PGM1: variants seen among roughly 807,000 people sequenced by gnomAD.
PGM1 encodes the protein phosphoglucomutase-1.
In PGM1, 52 loss-of-function variants were observed where a neutral mutation model predicts 55.6. The observed-to-expected ratio is 0.94, with a 90% CI of 0.75 to 1.18. The LOEUF (loss-of-function observed/expected upper bound fraction) is 1.18. Among genes scored for constraint, PGM1 ranks in the 50% most tolerant of loss-of-function variants. The pLI, the probability that PGM1 is intolerant of heterozygous loss-of-function variation, is 0.00. For synonymous variants in PGM1, 287 were observed against 271.7 expected (o/e 1.06, Z -0.55); for missense variants, 724 against 729.3 (o/e 0.99, Z 0.08).
At chr1:63,635,649 G>A (rs1225654286) in intron 5 of PGM1, among the ~76,000 whole-genome samples, 2 of 152,170 alleles carry the variant, frequency 1.3e-5, no homozygotes, top group East Asian at 3.8e-4. Context: ...GTTGTTGCTA[G>A]TGTTACCATT....
chr1:63,633,907 TG>T (rs2100986227), intron 4 of PGM1, among the ~76,000 whole-genome samples: 1 of 51,012 alleles, frequency 2.0e-5, no homozygotes, highest in African/African-American at 1.1e-4. Context: ...TGTGTGTGTG[TG>T]TGTGTGTGTG....
At chr1:63,604,959 G>GTGTGCGTGTGTT (rs58900430) in intron 1 of PGM1, among the ~76,000 whole-genome samples, 1 of 134,236 alleles carries the variant, frequency 7.4e-6, no homozygotes, top group Non-Finnish European at 1.6e-5. Flanking sequence ...GTGTGTGTGT[G>GTGTGCGTGTGTT]TAAAGAGAGG....
chr1:63,593,888 T>G, intron 1 of PGM1, 154 bp downstream of exon 1: 2 of 1,263,056 alleles, frequency 1.6e-6, no homozygotes, highest in Non-Finnish European at 2.0e-6. Flanking sequence ...CTCGCTCTTC[T>G]GGCCTGGAGG....
chr1:63,635,531 A>T (rs1649339996), intron 5 of PGM1, among the ~76,000 whole-genome samples: 1 of 152,236 alleles, frequency 6.6e-6, no homozygotes. Context: ...TTTATTTACA[A>T]GGGTGACTAT....
At chr1:63,628,414 T>C (rs1285927381) in intron 1 of PGM1, among the ~76,000 whole-genome samples, 2 of 152,132 alleles carry the variant, frequency 1.3e-5, no homozygotes, top group Non-Finnish European at 2.9e-5. Flanking sequence ...TTCAATGGGC[T>C]ATGGAAGGGT....
chr1:63,637,351 A>G (rs1486850483), intron 6 of PGM1, among the ~76,000 whole-genome samples: 1 of 152,220 alleles, frequency 6.6e-6, no homozygotes, highest in Non-Finnish European at 1.5e-5. Context: ...CAGCTGGTAA[A>G]TGGCTGACTC....
At chr1:63,596,937 A>T (rs758557430) in intron 1 of PGM1, among the ~76,000 whole-genome samples, 19 of 152,202 alleles carry the variant, frequency 1.2e-4, no homozygotes, top group Non-Finnish European at 2.5e-4. Context: ...CTAGCACTTG[A>T]TTTAAAGCCA....
chr1:63,623,909 A>G (rs1015676482), intron 1 of PGM1: 1 of 612,714 alleles, frequency 1.6e-6, no homozygotes. Flanking sequence ...CAGTGATTGT[A>G]TATTGTGAAA....
intron 10 of PGM1, among the ~76,000 whole-genome samples, chr1:63,654,760 T>C (rs1649915310): frequency 1.3e-5 from 2 of 151,884 alleles, no homozygotes; most frequent in Admixed American, 1.3e-4. Flanking sequence ...TATCAAAAAT[T>C]AATTAATTAA....
chr1:63,633,893 T>C (rs1325747864), intron 4 of PGM1, among the ~76,000 whole-genome samples: 1 of 48,732 alleles, frequency 2.1e-5, no homozygotes, highest in African/African-American at 1.1e-4. Flanking sequence ...TGTGTGTGTG[T>C]GTGTGTGTGT....
At chr1:63,652,689 G>A (rs184011597) in intron 9 of PGM1, among the ~76,000 whole-genome samples, 35 of 152,244 alleles carry the variant, frequency 2.3e-4, no homozygotes, top group Admixed American at 2.2e-3. Flanking sequence ...TTTTGGCCTG[G>A]TCCTTGTCAA....
intron 1 of PGM1, among the ~76,000 whole-genome samples, chr1:63,613,503 C>T (rs534423931): frequency 1.3e-5 from 2 of 152,076 alleles, no homozygotes; most frequent in East Asian, 1.9e-4. Flanking sequence ...ACTTCAATCT[C>T]TACCTCTGTC....
Position 63,654,486 on chromosome 1 carries a change from C to T in PGM1, c.1599+20C>T. On this transcript the variant is annotated intron_variant, in intron 10 of 10. Coordinates refer to ENST00000371084, the MANE Select transcript of PGM1 (RefSeq NM_002633.3). ...CCCCAGGTAACGCCCAGCCCTGTGC[C>T]CTGGTTAGTTCTTTCTGTTCAAGGG... is the stretch of plus-strand genomic sequence containing the variant. The T allele has an allele frequency of 6.2e-7, 1 of 1,613,288 alleles. No individual in the cohort carries two copies. The highest frequency in any genetic ancestry group is 8.5e-7 in the Non-Finnish European group (1 of 1,179,432).
At chr1:63,648,457 A>G (rs1278212535) in intron 7 of PGM1, 60 bp from the exon 8 acceptor site, 4 of 1,604,058 alleles carry the variant, frequency 2.5e-6, no homozygotes, top group Non-Finnish European at 3.4e-6. Context: ...CATATCAAGT[A>G]CCTTCTCAGG....
At chr1:63,618,954 G>A (rs1160924589) in intron 1 of PGM1, among the ~76,000 whole-genome samples, 1 of 152,168 alleles carries the variant, frequency 6.6e-6, no homozygotes, top group Non-Finnish European at 1.5e-5. Flanking sequence ...AGAGATGTAT[G>A]AATGATCCCG....
At chr1:63,651,629 G>C in intron 8 of PGM1, 40 bp from the exon 9 acceptor site, 1 of 1,586,438 alleles carries the variant, frequency 6.3e-7, no homozygotes, top group Non-Finnish European at 8.6e-7. Context: ...GGTGTGATCT[G>C]CAGTCAGCCC....
At chr1:63,594,218 G>C (rs1647968212) in intron 1 of PGM1, 1 of 803,032 alleles carries the variant, frequency 1.2e-6, no homozygotes, top group Non-Finnish European at 1.5e-6. Flanking sequence ...GCTAGGACTG[G>C]CGCTTCCCGC....
intron 8 of PGM1, among the ~76,000 whole-genome samples, chr1:63,650,266 T>C (rs548656604): frequency 6.6e-6 from 1 of 152,220 alleles, no homozygotes; most frequent in South Asian, 2.1e-4. Flanking sequence ...TTCTGAGAGA[T>C]AGGGCAGCTG....
rs74081406 is a variant in PGM1, at chr1:63,629,822, T to C, written c.410-120T>C. The C allele has an allele frequency of 0.014, 17,496 of 1,240,002 alleles. 609 individuals are homozygous for C. Among genetic ancestry groups the C allele is most frequent in the African/African-American group, 0.12 (8,371 of 67,516 alleles). The allele number at this position is 1,240,002 out of a possible 1,614,324, so 76.8% of individuals were successfully genotyped here. On this transcript the variant is annotated intron_variant, in intron 2 of 10. Coordinates refer to ENST00000371084, the MANE Select transcript of PGM1 (RefSeq NM_002633.3). ...TTTCTTTTAGAAAAATCCTGCTACT[T>C]TGCTGACTGAATGATGAAATGGTAG...
Sources: allele counts gnomAD v4.1 joint callset (sites outside exome capture counted in the v4.1 genomes callset), GRCh38; gene constraint gnomAD v4.1.1; transcripts MANE v1.5; gene names NCBI Gene and HGNC (gene_info 2026-07-23, HGNC 2026-07-21).